PRRC2A: variants seen among roughly 807,000 people sequenced by gnomAD.
PRRC2A encodes proline rich coiled-coil 2A.
In PRRC2A, 59 loss-of-function variants were observed where a neutral mutation model predicts 224.6. The observed-to-expected ratio is 0.26, with a 90% CI of 0.21 to 0.33. PRRC2A has a LOEUF of 0.33. Ranked by LOEUF, PRRC2A falls within the 10% of genes least tolerant of loss-of-function variation. The pLI is 1.00. For missense variants in PRRC2A, 3,095 were observed against 2,880.7 expected (o/e 1.07, Z -1.70); for synonymous variants, 1,194 against 1,109.5 (o/e 1.08, Z -1.51).
In PRRC2A at chr6:31,636,227, AC is replaced by A; in HGVS notation, c.5649del (p.Gly1884AlafsTer12). 6.2e-7 allele frequency: 1 copy of A among 1,611,538 alleles called. No individual in the cohort carries two copies. The highest frequency in any genetic ancestry group is 8.5e-7 in the Non-Finnish European group (1 of 1,179,224). On this transcript the variant is annotated frameshift_variant, in exon 26 of 31. Coordinates refer to ENST00000376033, the MANE Select transcript of PRRC2A (RefSeq NM_004638.4). LOFTEE classifies it high-confidence loss of function. The surrounding 1 kb of genome is among the most constrained non-coding windows in gnomAD (Gnocchi z 4.3). The part of the protein sequence containing the change: ...HPYRSQPLYL[P>X]PGPAPPSALL... Reference sequence around the variant, plus strand: ...TTTTCAGATCACAGCCCCTATACCTACCCCCCGGCCCAGCCCCTCCCTCAGC... The same window carrying A: ...TTTTCAGATCACAGCCCCTATACCTACCCCCGGCCCAGCCCCTCCCTCAGC...
At position 31,632,342 on chromosome 6, in the gene PRRC2A, C is replaced by G. The variant is rs768970539; in HGVS notation, c.3669C>G (p.Arg1223=). ...CAGGGCCTCTGTCCCCTGTGGCGCG[C>G]GGAGGCAGCAATGGAGGTAGCAATG... is the stretch of plus-strand genomic sequence containing the variant. ...LIPGPLSPVA[R]GGSNGGSNVG... The change falls in exon 16 of 31, where the codon CGC becomes CGG. Residue 1223 remains arginine (R), a synonymous_variant. Transcript: ENST00000376033. The G allele has an allele frequency of 9.3e-6, 15 of 1,613,244 alleles. No homozygotes were observed. The highest frequency in any genetic ancestry group is 1.3e-5 in the African/African-American group (1 of 74,904).
Position 31,632,183 on chromosome 6 carries a change from G to C in PRRC2A, c.3510G>C (p.Arg1170=), listed in dbSNP as rs1010974239. The C allele has an allele frequency of 1.9e-6, 3 of 1,599,678 alleles. No homozygotes were observed. Among genetic ancestry groups the C allele is most frequent in the Non-Finnish European group, 2.6e-6 (3 of 1,173,708 alleles). ...CTCCCAGAGGGGTGCCATCTCGCCG[G>C]GGCCGAGGAGGAGGGAGGCCCCCTC... The part of the protein sequence containing the change: ...VFTPRGVPSR[R]GRGGGRPPPQ... The change falls in exon 16 of 31, where the codon CGG becomes CGC. Residue 1170 remains arginine, a synonymous_variant. Transcript: ENST00000376033.
intron 16 of PRRC2A, 53 bp from the exon 17 acceptor site, chr6:31,633,325 TG>T (rs1659063621): frequency 6.4e-7 from 1 of 1,568,874 alleles, no homozygotes; most frequent in Admixed American, 1.8e-5. Flanking sequence ...ACATAACTTG[TG>T]GGAAAAAGTA....
chr6:31,623,649 A>T (rs1305320144), intron 2 of PRRC2A, 83 bp from the exon 3 acceptor site: 1 of 1,422,248 alleles, frequency 7.0e-7, no homozygotes, highest in East Asian at 2.3e-5. Flanking sequence ...AATATTCAAC[A>T]TGTATAAATG....
At position 31,628,158 on chromosome 6, in the gene PRRC2A, G is replaced by C. The variant is rs1776133667; in HGVS notation, c.1684G>C (p.Gly562Arg). ...APPAQSTPTP[G>R]VAAAPTLVSG... ...TCCTGCCCAATCTACTCCTACTCCAGGTGTGGCTGCGGCTCCCACTCTGGT... is the reference window on the plus strand; with the variant it reads ...TCCTGCCCAATCTACTCCTACTCCACGTGTGGCTGCGGCTCCCACTCTGGT... Residue 562 changes from glycine (G) to arginine (R), a missense_variant, in exon 12 of 31, where the codon GGT becomes CGT. Coordinates refer to ENST00000376033, the MANE Select transcript of PRRC2A (RefSeq NM_004638.4). 1.2e-6 allele frequency: 2 copies of C among 1,613,098 alleles called. No homozygotes were observed. Among genetic ancestry groups the C allele is most frequent in the African/African-American group, 1.3e-5 (1 of 75,048 alleles).
intron 1 of PRRC2A, among the ~76,000 whole-genome samples, chr6:31,621,624 C>T (rs1488221650): frequency 1.3e-5 from 2 of 152,086 alleles, no homozygotes; most frequent in Non-Finnish European, 2.9e-5. Context: ...ACAGATTGGC[C>T]TCCTCAAACA....
At chr6:31,630,542 G>A (rs370785725) in intron 14 of PRRC2A, 49 bp from the exon 15 acceptor site, 116 of 1,598,130 alleles carry the variant, frequency 7.3e-5, no homozygotes, top group Non-Finnish European at 9.1e-5. Context: ...TGGGCTGGAG[G>A]GCTTGTGACA....
chr6:31,634,930 G>C lies in PRRC2A; in HGVS notation c.5113G>C (p.Glu1705Gln), dbSNP rs1409068044. Residue 1705 changes from glutamate (E) to glutamine (Q), a missense_variant, in exon 21 of 31, where the codon GAA becomes CAA. Transcript: ENST00000376033. Reference protein sequence around the residue: ...AVPCEGPPGSEPPRRPPPAPH... With the variant: ...AVPCEGPPGSQPPRRPPPAPH... ...TCCTTGTGAGGGTCCACCTGGCTCTGAACCTCCTAGGAGACCACCACCTGC... is the reference window on the plus strand; with the variant it reads ...TCCTTGTGAGGGTCCACCTGGCTCTCAACCTCCTAGGAGACCACCACCTGC... 1 of 1,612,714 alleles carries C rather than the reference G, an allele frequency of 6.2e-7. No individual in the cohort carries two copies. Among genetic ancestry groups the C allele is most frequent in the Non-Finnish European group, 8.5e-7 (1 of 1,179,960 alleles).
At chr6:31,637,012 G>A (rs769543096) in intron 28 of PRRC2A, 30 bp from the exon 29 acceptor site, 8 of 1,596,318 alleles carry the variant, frequency 5.0e-6, no homozygotes, top group Non-Finnish European at 6.8e-6. Flanking sequence ...GTATTTCAAG[G>A]TAGGCAGCTC....
At chr6:31,633,770 G>T (rs775521506) in intron 17 of PRRC2A, 89 bp from the exon 18 acceptor site, 1 of 1,530,988 alleles carries the variant, frequency 6.5e-7, no homozygotes, top group East Asian at 2.3e-5. Context: ...CAGGGAGCAA[G>T]GGTAGAAGAA....
chr6:31,633,476 C>G lies in PRRC2A; in HGVS notation c.4417C>G (p.Pro1473Ala), dbSNP rs770834563. Reference protein sequence around the residue: ...FRLDQVIHSNPAGIQQALAQL... With the variant: ...FRLDQVIHSNAAGIQQALAQL... Reference sequence around the variant, plus strand: ...CCTGGACCAAGTTATCCACAGCAACCCTGCTGGCATCCAACAGGCTCTGGC... The same window carrying G: ...CCTGGACCAAGTTATCCACAGCAACGCTGCTGGCATCCAACAGGCTCTGGC... Residue 1473 changes from proline to alanine, a missense_variant, in exon 17 of 31, where the codon CCT becomes GCT. Transcript: ENST00000376033. 2.5e-6 allele frequency: 4 copies of G among 1,612,990 alleles called. No individual in the cohort carries two copies. Among genetic ancestry groups the G allele is most frequent in the Non-Finnish European group, 3.4e-6 (4 of 1,180,042 alleles).
intron 5 of PRRC2A, 113 bp downstream of exon 5, chr6:31,624,635 C>T (rs1775688928): frequency 1.7e-6 from 2 of 1,192,400 alleles, no homozygotes; most frequent in Non-Finnish European, 2.4e-6. Context: ...TCAAGGACCA[C>T]CCATATTCAG....
rs1158429860 is a variant in PRRC2A, at chr6:31,631,780, G to A, written c.3107G>A (p.Arg1036Lys). 7.1e-6 allele frequency: 11 copies of A among 1,551,890 alleles called. No homozygotes were observed. Among genetic ancestry groups the A allele is most frequent in the African/African-American group, 1.4e-5 (1 of 72,844 alleles). ...CGAGGCGAGTATTTTGCCAGAGGGA[G>A]GGGTTTTCGGGGGACCTATGGGGGA... is the stretch of plus-strand genomic sequence containing the variant. The part of the protein sequence containing the change: ...RGRGEYFARG[R>K]GFRGTYGGRG... Residue 1036 changes from arginine to lysine, a missense_variant, in exon 16 of 31, where the codon AGG becomes AAG. Transcript: ENST00000376033. The surrounding 1 kb of genome is among the most constrained non-coding windows in gnomAD (Gnocchi z 4.5).
intron 16 of PRRC2A, 82 bp from the exon 17 acceptor site, chr6:31,633,296 TG>T: frequency 6.5e-7 from 1 of 1,542,950 alleles, no homozygotes; most frequent in South Asian, 1.2e-5. Flanking sequence ...GAGAATAGGT[TG>T]TAAGCAGAAG....
rs763546768 is a variant in PRRC2A, at chr6:31,632,027, T to C, written c.3354T>C (p.Ala1118=). 1 of 1,600,182 alleles carries C rather than the reference T, an allele frequency of 6.2e-7. No individual in the cohort carries two copies. The highest frequency in any genetic ancestry group is 1.1e-5 in the South Asian group (1 of 89,826). Residue 1118 remains alanine, a synonymous_variant, in exon 16 of 31, where the codon GCT becomes GCC. Transcript: ENST00000376033. ...TGSETHESDL[A]PSDKEAPTPK... The stretch of plus-strand genomic sequence containing the variant: ...GCGAGACCCATGAGAGTGATCTGGC[T>C]CCTTCAGACAAGGAGGCTCCCACAC...
Position 31,629,725 on chromosome 6 carries a change from C to T in PRRC2A, c.2134C>T (p.Pro712Ser). The T allele has an allele frequency of 1.2e-6, 2 of 1,607,168 alleles. No individual in the cohort carries two copies. The highest frequency in any genetic ancestry group is 3.3e-5 in the Admixed American group (2 of 59,736). The change falls in exon 14 of 31, where the codon CCA becomes TCA. Residue 712 changes from proline to serine, a missense_variant. Physicochemically the swap from Pro to Ser is moderately conservative, Grantham distance 74. Transcript: ENST00000376033. ...GTACCCAGGTGCTCTGGGCCGGCCC[C>T]CACCCATGCCCCCAATGAACTTTGA... ...ALYPGALGRPPPMPPMNFDPR... is the reference protein window; with the variant it reads ...ALYPGALGRPSPMPPMNFDPR...
At position 31,635,289 on chromosome 6, in the gene PRRC2A, T is replaced by C; in HGVS notation, c.5301+17T>C. ...AGTGACAAGGTCTGTGTGGGCTGGA[T>C]CTGGGTATCCTGAGTTGGGTGGAGA... On this transcript the variant is annotated intron_variant, in intron 22 of 30. Transcript: ENST00000376033. 6.2e-7 allele frequency: 1 copy of C among 1,613,914 alleles called. No individual in the cohort carries two copies. The highest frequency in any genetic ancestry group is 8.5e-7 in the Non-Finnish European group (1 of 1,179,896).
At chr6:31,630,232 G>A (rs553740014) in intron 14 of PRRC2A, among the ~76,000 whole-genome samples, 2 of 152,330 alleles carry the variant, frequency 1.3e-5, no homozygotes, top group East Asian at 1.9e-4. Flanking sequence ...CAGGAGAAAC[G>A]CTTGAACCCA....
intron 24 of PRRC2A, 87 bp downstream of exon 24, chr6:31,635,836 G>A (rs553739824): frequency 2.1e-5 from 31 of 1,476,550 alleles, no homozygotes; most frequent in African/African-American, 1.7e-4. Context: ...GCCTTTCTAC[G>A]TTGCAGAGTT....
Sources: allele counts gnomAD v4.1 joint callset (sites outside exome capture counted in the v4.1 genomes callset), GRCh38; gene constraint gnomAD v4.1.1; non-coding constraint Gnocchi (gnomAD v3.1); transcripts MANE v1.5; gene names NCBI Gene and HGNC (gene_info 2026-07-23, HGNC 2026-07-21).